SGCG: variants seen among roughly 807,000 people sequenced by gnomAD.
SGCG encodes sarcoglycan gamma.
Under a neutral mutation model 29.3 loss-of-function variants are expected in SGCG, and 26 were observed. The observed-to-expected ratio is 0.89, with a 90% CI of 0.65 to 1.23. The LOEUF is 1.23. SGCG is among the 50% of genes most tolerant of loss of function. SGCG has a pLI of 0.00. For missense variants in SGCG, 353 were observed against 356.0 expected (o/e 0.99, Z 0.07); for synonymous variants, 145 against 129.7 (o/e 1.12, Z -0.80).
At chr13:23,244,567 C>G (rs1294145908) in intron 3 of SGCG, 3 of 152,170 alleles carry the variant, frequency 2.0e-5, no homozygotes, top group Non-Finnish European at 4.4e-5. Context: ...TAGATCTTTA[C>G]CTTGTGAACT....
At position 23,203,706 on chromosome 13, in the gene SGCG, G is replaced by T. The variant is rs768187079; in HGVS notation, c.12G>T (p.Glu4Asp). The T allele has an allele frequency of 1.2e-6, 2 of 1,612,730 alleles. No homozygotes were observed. The highest frequency in any genetic ancestry group is 2.2e-5 in the South Asian group (2 of 90,934). The stretch of plus-strand genomic sequence containing the variant: ...ACACTCCGTGGCAGATGGTGCGTGA[G>T]CAGTACACTACAGCCACAGAAGGCA... MVR[E>D]QYTTATEGIC... is the part of the protein sequence containing the mutation. Residue 4 changes from glutamate to aspartate, a missense_variant, in exon 2 of 8, where the codon GAG becomes GAT. By Grantham distance (45) the Glu-to-Asp change is conservative. Transcript: ENST00000218867.
chr13:23,192,174 C>A (rs146012717), intron 1 of SGCG, among the ~76,000 whole-genome samples: 30,430 of 112,470 alleles, frequency 0.27, 3,586 homozygotes, highest in Non-Finnish European at 0.29. Context: ...GACTGCGTCC[C>A]AAAAAAAAAA....
chr13:23,292,789 C>T (rs1881765930), intron 5 of SGCG, among the ~76,000 whole-genome samples: 1 of 152,094 alleles, frequency 6.6e-6, no homozygotes. Flanking sequence ...ACTCTAGTTT[C>T]GTGATAACAA....
chr13:23,212,697 A>G (rs1260533664), intron 2 of SGCG, among the ~76,000 whole-genome samples: 1 of 152,156 alleles, frequency 6.6e-6, no homozygotes, highest in Non-Finnish European at 1.5e-5. Flanking sequence ...GTGAGAAGAG[A>G]GGCTCCAGTT....
chr13:23,208,807 A>G (rs2137508651), intron 2 of SGCG, among the ~76,000 whole-genome samples: 1 of 152,272 alleles, frequency 6.6e-6, no homozygotes, highest in East Asian at 1.9e-4. Context: ...GTACCTTATT[A>G]TGCTTTTTCC....
intron 5 of SGCG, among the ~76,000 whole-genome samples, chr13:23,285,728 C>T (rs973645436): frequency 3.9e-5 from 6 of 152,176 alleles, no homozygotes; most frequent in African/African-American, 1.4e-4. Flanking sequence ...AAATCCAGGG[C>T]CCTGGTGGTG....
chr13:23,307,016 A>G (rs1402311664), intron 6 of SGCG, among the ~76,000 whole-genome samples: 2 of 152,218 alleles, frequency 1.3e-5, no homozygotes, highest in Non-Finnish European at 2.9e-5. Context: ...ACTTACAAAT[A>G]TATTAGATTT....
At chr13:23,212,428 A>G (rs1878262280) in intron 2 of SGCG, among the ~76,000 whole-genome samples, 4 of 152,072 alleles carry the variant, frequency 2.6e-5, no homozygotes, top group Admixed American at 2.0e-4. Context: ...ACCCCGTAGG[A>G]TCATGTCAGT....
At chr13:23,258,472 A>G (rs1880287864) in intron 4 of SGCG, among the ~76,000 whole-genome samples, 1 of 152,200 alleles carries the variant, frequency 6.6e-6, no homozygotes, top group Admixed American at 6.5e-5. Flanking sequence ...TTTTCTAAAT[A>G]TACAATCATG....
chr13:23,285,940 C>T (rs953621594), intron 5 of SGCG, among the ~76,000 whole-genome samples: 2 of 152,188 alleles, frequency 1.3e-5, no homozygotes, highest in African/African-American at 2.4e-5. Context: ...GGGCTGCACC[C>T]ACTGTCTAAC....
chr13:23,308,751 A>G (rs1882444539), intron 6 of SGCG, among the ~76,000 whole-genome samples: 1 of 151,922 alleles, frequency 6.6e-6, no homozygotes, highest in South Asian at 2.1e-4. Context: ...TTTTGTAGAG[A>G]CGCGGTTTCA....
chr13:23,190,094 A>G (rs1457238165), intron 1 of SGCG, among the ~76,000 whole-genome samples: 1 of 152,098 alleles, frequency 6.6e-6, no homozygotes, highest in Non-Finnish European at 1.5e-5. Flanking sequence ...AATGAGGGGA[A>G]TCAATACTGA....
At chr13:23,276,196 G>T (rs939985302) in intron 4 of SGCG, among the ~76,000 whole-genome samples, 2 of 151,684 alleles carry the variant, frequency 1.3e-5, no homozygotes, top group Non-Finnish European at 2.9e-5. Flanking sequence ...AAAAAAAACC[G>T]CTAGAATATT....
At chr13:23,177,371 C>T (rs192933194), upstream of SGCG, among the ~76,000 whole-genome samples, 6 of 152,150 alleles carry the variant, frequency 3.9e-5, no homozygotes, top group African/African-American at 1.4e-4. Flanking sequence ...TGTGTGTTCC[C>T]ACCTTAAAGA....
chr13:23,248,718 T>C (rs74694357), intron 3 of SGCG, among the ~76,000 whole-genome samples: 3,117 of 128,646 alleles, frequency 0.024, 118 homozygotes, highest in Admixed American at 0.11. Flanking sequence ...AAAGGCCGGG[T>C]TCGGTGGCTG....
At chr13:23,287,740 TTTTG>T (rs60329567) in intron 5 of SGCG, among the ~76,000 whole-genome samples, 54 of 151,082 alleles carry the variant, frequency 3.6e-4, no homozygotes, top group African/African-American at 8.5e-4. Flanking sequence ...GACCAGGGTT[TTTTG>T]TTTGTTTGTT....
intron 2 of SGCG, among the ~76,000 whole-genome samples, chr13:23,214,110 T>G (rs1223275660): frequency 6.6e-6 from 1 of 152,206 alleles, no homozygotes; most frequent in African/African-American, 2.4e-5. Flanking sequence ...TTCAGACCTC[T>G]CAAAGTATCA....
chr13:23,223,396 TTGA>T (rs1256842937), intron 2 of SGCG, among the ~76,000 whole-genome samples: 42 of 152,024 alleles, frequency 2.8e-4, no homozygotes, highest in Non-Finnish European at 5.6e-4. Flanking sequence ...ATAAATTAGG[TTGA>T]TATTTGAAAA....
At chr13:23,245,837 CTT>C (rs1006416319) in intron 3 of SGCG, 3 of 152,218 alleles carry the variant, frequency 2.0e-5, no homozygotes, top group Non-Finnish European at 4.4e-5. Flanking sequence ...GAGCGCCCCT[CTT>C]TAGGGTGTGA....
Sources: allele counts gnomAD v4.1 joint callset (sites outside exome capture counted in the v4.1 genomes callset), GRCh38; gene constraint gnomAD v4.1.1; transcripts MANE v1.5; gene names NCBI Gene and HGNC (gene_info 2026-07-23, HGNC 2026-07-21).